Variants in TRHDE observed in about 807,000 individuals in gnomAD.
TRHDE encodes thyrotropin-releasing hormone-degrading ectoenzyme.
In TRHDE, 72 loss-of-function variants were observed where a neutral mutation model predicts 125.7. The observed-to-expected ratio is 0.57, with a 90% CI of 0.47 to 0.70. The LOEUF is 0.70. TRHDE is among the 30% of genes least tolerant of loss of function. TRHDE has a pLI of 0.00. For missense variants in TRHDE, 1,110 were observed against 1,327.1 expected, an observed-to-expected ratio of 0.84 and a Z score of 2.54; for synonymous variants, 509 against 509.1, an observed-to-expected ratio of 1.00 and a Z score of 0.00.
At chr12:72,517,995 C>G (rs1028448384) in intron 6 of TRHDE, among the ~76,000 whole-genome samples, 14 of 150,486 alleles carry the variant, frequency 9.3e-5, no homozygotes, top group African/African-American at 3.2e-4. Flanking sequence ...TTTGATTGCA[C>G]TGTGGTCTGA....
At chr12:72,242,154 T>C (rs534037396) in intron 2 of TRHDE, among the ~76,000 whole-genome samples, 1 of 152,354 alleles carries the variant, frequency 6.6e-6, no homozygotes, top group East Asian at 1.9e-4. Context: ...ATAATGTTCA[T>C]CAATTTTTAA....
At chr12:72,138,638 A>G (rs1404478997) in intron 2 of TRHDE, among the ~76,000 whole-genome samples, 2 of 152,224 alleles carry the variant, frequency 1.3e-5, no homozygotes, top group Admixed American at 6.5e-5. Context: ...ATCTACTGCT[A>G]TTAATAACAT....
chr12:72,530,279 A>C (rs1434290067), intron 6 of TRHDE, among the ~76,000 whole-genome samples: 1 of 151,986 alleles, frequency 6.6e-6, no homozygotes, highest in African/African-American at 2.4e-5. Flanking sequence ...TCATTTACTC[A>C]AACTTTTCTT....
At chr12:72,447,801 G>T (rs190390974) in intron 3 of TRHDE, among the ~76,000 whole-genome samples, 20 of 152,106 alleles carry the variant, frequency 1.3e-4, no homozygotes, top group Admixed American at 3.9e-4. Flanking sequence ...TGGGGCCCAG[G>T]CATCAGTATT....
chr12:72,339,687 C>A (rs1869992367), intron 2 of TRHDE, among the ~76,000 whole-genome samples: 1 of 152,092 alleles, frequency 6.6e-6, no homozygotes, highest in Admixed American at 6.6e-5. Flanking sequence ...TCATTCAAAA[C>A]AAAATCAAAT....
At chr12:72,197,145 C>G (rs1482438408) in intron 2 of TRHDE, among the ~76,000 whole-genome samples, 1 of 152,040 alleles carries the variant, frequency 6.6e-6, no homozygotes, top group African/African-American at 2.4e-5. Flanking sequence ...AGCTGCTGTG[C>G]CATCACAATT....
intron 2 of TRHDE, among the ~76,000 whole-genome samples, chr12:72,336,099 T>A (rs1295689510): frequency 6.6e-6 from 1 of 152,158 alleles, no homozygotes; most frequent in Non-Finnish European, 1.5e-5. Context: ...TAGGTGCCAA[T>A]ATAAGGAGAA....
intron 12 of TRHDE, among the ~76,000 whole-genome samples, chr12:72,578,268 A>C (rs896972260): frequency 1.9e-4 from 29 of 152,190 alleles, no homozygotes; most frequent in African/African-American, 7.0e-4. Flanking sequence ...TGAGGCATTG[A>C]GATTAAGAGA....
At chr12:72,467,277 C>A (rs1198636511) in intron 3 of TRHDE, among the ~76,000 whole-genome samples, 1 of 151,246 alleles carries the variant, frequency 6.6e-6, no homozygotes, top group Non-Finnish European at 1.5e-5. Context: ...TGTTCCCCTT[C>A]CTGTGTCCAT....
At chr12:72,434,532 T>C (rs1290673684) in intron 3 of TRHDE, among the ~76,000 whole-genome samples, 3 of 152,140 alleles carry the variant, frequency 2.0e-5, no homozygotes, top group Non-Finnish European at 4.4e-5. Flanking sequence ...ATGCTGCCAT[T>C]CTGGATATAT....
At chr12:72,385,987 A>T (rs1872394259) in intron 3 of TRHDE, among the ~76,000 whole-genome samples, 1 of 152,190 alleles carries the variant, frequency 6.6e-6, no homozygotes, top group African/African-American at 2.4e-5. Flanking sequence ...TTGAGTAGTA[A>T]CTACGTGTAC....
At chr12:72,475,588 A>C (rs184368941) in intron 5 of TRHDE, among the ~76,000 whole-genome samples, 20 of 152,250 alleles carry the variant, frequency 1.3e-4, no homozygotes, top group Admixed American at 5.2e-4. Flanking sequence ...TATCAGTTAC[A>C]TTGTAAATAT....
chr12:72,462,244 T>G (rs1592462959), intron 3 of TRHDE, among the ~76,000 whole-genome samples: 1 of 151,952 alleles, frequency 6.6e-6, no homozygotes, highest in African/African-American at 2.4e-5. Flanking sequence ...GAAGTAAGAG[T>G]TAGGTCAGAA....
chr12:72,547,540 G>A (rs1035237948), intron 7 of TRHDE, among the ~76,000 whole-genome samples: 8 of 151,754 alleles, frequency 5.3e-5, no homozygotes, highest in African/African-American at 1.9e-4. Context: ...TTTGCTTTTT[G>A]ATTAACTTAC....
chr12:72,123,573 G>A (rs1483081853), intron 2 of TRHDE, among the ~76,000 whole-genome samples: 1 of 151,814 alleles, frequency 6.6e-6, no homozygotes, highest in Admixed American at 6.6e-5. Flanking sequence ...TCTCATCCTT[G>A]AAATTTATAA....
Position 72,273,144 on chromosome 12 carries a change from C to T in TRHDE, c.501C>T (p.Ala167=). ...TGGCCAGTCCGGGGACCACGTCGGC[C>T]CAGCCGCCGTCGGAGGAGGAGCGGG... ...GGVASPGTTS[A]QPPSEEEREP... Residue 167 remains alanine, a synonymous_variant, in exon 1 of 19, where the codon GCC becomes GCT. Transcript: ENST00000261180. This position sits in a 1 kb window ranked among gnomAD's most constrained non-coding sequence, Gnocchi z 5.3. The T allele has an allele frequency of 1.3e-6, 2 of 1,565,564 alleles. No individual in the cohort carries two copies. The highest frequency in any genetic ancestry group is 1.7e-6 in the Non-Finnish European group (2 of 1,154,790).
At chr12:72,420,658 CCA>C (rs984360964) in intron 3 of TRHDE, among the ~76,000 whole-genome samples, 1 of 152,116 alleles carries the variant, frequency 6.6e-6, no homozygotes, top group African/African-American at 2.4e-5. Flanking sequence ...TTCAATTCCA[CCA>C]GAGTTTAGGG....
intron 3 of TRHDE, among the ~76,000 whole-genome samples, chr12:72,458,303 G>A (rs1050423459): frequency 1.3e-5 from 2 of 152,116 alleles, no homozygotes; most frequent in African/African-American, 4.8e-5. Context: ...GATATTCATA[G>A]ACACTGTCAA....
intron 2 of TRHDE, among the ~76,000 whole-genome samples, chr12:72,327,509 A>G (rs778583496): frequency 1.3e-5 from 2 of 152,198 alleles, no homozygotes; most frequent in Non-Finnish European, 2.9e-5. Context: ...ATCTAGCAGA[A>G]CACACTGAAT....
Sources: allele counts gnomAD v4.1 joint callset (sites outside exome capture counted in the v4.1 genomes callset), GRCh38; gene constraint gnomAD v4.1.1; non-coding constraint Gnocchi (gnomAD v3.1); transcripts MANE v1.5; gene names NCBI Gene and HGNC (gene_info 2026-07-23, HGNC 2026-07-21).